Variants in WWOX observed in about 807,000 individuals in gnomAD.
WWOX encodes WW domain-containing oxidoreductase.
WWOX carries 69 observed loss-of-function variants against 46.2 expected under a neutral mutation model. The ratio of observed to expected loss-of-function variants is 1.49; its 90% CI spans 1.23 to 1.82. The LOEUF is 1.82. WWOX is among the 40% of genes most tolerant of loss of function. The pLI, the probability that WWOX is intolerant of heterozygous loss-of-function variation, is 0.00. For synonymous variants in WWOX, 359 were observed against 202.6 expected (o/e 1.77, Z -6.56); for missense variants, 919 against 542.6 (o/e 1.69, Z -6.89).
At chr16:78,527,810 T>C (rs1050965489) in intron 8 of WWOX, among the ~76,000 whole-genome samples, 3 of 150,148 alleles carry the variant, frequency 2.0e-5, no homozygotes, top group Non-Finnish European at 3.0e-5. Flanking sequence ...TTCAGGAGGG[T>C]AGAGGATAGG....
At chr16:78,544,272 G>T (rs1002614672) in intron 8 of WWOX, among the ~76,000 whole-genome samples, 1 of 152,064 alleles carries the variant, frequency 6.6e-6, no homozygotes, top group African/African-American at 2.4e-5. Context: ...TTCACCAAGC[G>T]CTAACATTAT....
At chr16:79,074,089 C>T (rs1161181921) in intron 8 of WWOX, among the ~76,000 whole-genome samples, 1 of 151,924 alleles carries the variant, frequency 6.6e-6, no homozygotes, top group Admixed American at 6.6e-5. Flanking sequence ...AGGATGGGTG[C>T]TTTGTGGCCC....
At chr16:78,542,018 CAAAAAA>C (rs548366256) in intron 8 of WWOX, among the ~76,000 whole-genome samples, 48 of 40,636 alleles carry the variant, frequency 1.2e-3, no homozygotes, top group South Asian at 4.5e-3. Context: ...CAGAGTATAC[CAAAAAA>C]AAAAAAAAAA....
chr16:78,619,796 C>G (rs566325395), intron 8 of WWOX, among the ~76,000 whole-genome samples: 103 of 152,122 alleles, frequency 6.8e-4, no homozygotes, highest in African/African-American at 2.4e-3. Flanking sequence ...GTGGTCCCAG[C>G]TACTCAGGAG....
At chr16:78,902,692 A>G (rs905060649) in intron 8 of WWOX, among the ~76,000 whole-genome samples, 4 of 152,244 alleles carry the variant, frequency 2.6e-5, no homozygotes, top group African/African-American at 7.2e-5. Context: ...ACAGCAGCTC[A>G]GTATTTCCTG....
chr16:79,000,836 C>T (rs899235184), intron 8 of WWOX, among the ~76,000 whole-genome samples: 3 of 152,200 alleles, frequency 2.0e-5, no homozygotes, highest in African/African-American at 4.8e-5. Context: ...CATTGACTCT[C>T]AGAGGACCCT....
chr16:78,439,005 T>C lies in WWOX; in HGVS notation c.1056+6253T>C, dbSNP rs933074449. ...GAAGGAGATAATAGATGTTGATTTG[T>C]TCCTGAAATTAGTATTTTAGAAAAA... On this transcript the variant is annotated intron_variant, in intron 8 of 8. Coordinates refer to ENST00000566780, the MANE Select transcript of WWOX (RefSeq NM_016373.4). 7.2e-5 allele frequency among the ~76,000 whole-genome samples: 11 copies of C among 152,300 alleles called. 1 individual carries two copies. The highest frequency in any genetic ancestry group is 2.4e-4 in the African/African-American group (10 of 41,554).
chr16:79,168,869 A>G (rs1190037704), intron 8 of WWOX, among the ~76,000 whole-genome samples: 1 of 152,162 alleles, frequency 6.6e-6, no homozygotes, highest in Non-Finnish European at 1.5e-5. Flanking sequence ...GTTCCTTAAC[A>G]TTTTTTAAAA....
At position 78,881,464 on chromosome 16, in the gene WWOX, T is replaced by A. The variant is rs767352060; in HGVS notation, c.1057-330144T>A. The stretch of plus-strand genomic sequence containing the variant: ...CAAGGAAAATCAGAGAATAAAAGTT[T>A]CCAATGCATTTAGACTAGAAAATTA... On this transcript the variant is annotated intron_variant, in intron 8 of 8. Transcript: ENST00000566780. Among the ~76,000 whole-genome samples the A allele has an allele frequency of 3.3e-5, 5 of 152,224 alleles. No homozygotes were observed. The East Asian group carries it at 5.8e-4, about 18-fold the overall frequency.
intron 8 of WWOX, among the ~76,000 whole-genome samples, chr16:79,209,630 A>G (rs537779311): frequency 6.6e-6 from 1 of 152,326 alleles, no homozygotes; most frequent in African/African-American, 2.4e-5. Flanking sequence ...ATGAAAATAT[A>G]TGACAGATAT....
intron 8 of WWOX, among the ~76,000 whole-genome samples, chr16:78,779,174 G>T (rs185676147): frequency 1.4e-4 from 22 of 152,206 alleles, no homozygotes; most frequent in African/African-American, 5.3e-4. Flanking sequence ...TTTGAGACAG[G>T]GTCTTTGTTT....
chr16:78,998,166 C>T (rs919785245), intron 8 of WWOX, among the ~76,000 whole-genome samples: 2 of 152,100 alleles, frequency 1.3e-5, no homozygotes, highest in Non-Finnish European at 2.9e-5. Context: ...CATGAGCCAT[C>T]GCGCCCGGCC....
intron 8 of WWOX, among the ~76,000 whole-genome samples, chr16:79,160,165 A>C (rs2050457431): frequency 6.6e-6 from 1 of 152,204 alleles, no homozygotes; most frequent in Non-Finnish European, 1.5e-5. Flanking sequence ...AGAACATCCA[A>C]ATGAACACTG....
chr16:78,808,733 G>T (rs889334699), intron 8 of WWOX, among the ~76,000 whole-genome samples: 1 of 151,988 alleles, frequency 6.6e-6, no homozygotes, highest in Non-Finnish European at 1.5e-5. Flanking sequence ...AATATCCTAC[G>T]TCAAAGATGA....
At chr16:78,584,072 A>T (rs1044510176) in intron 8 of WWOX, among the ~76,000 whole-genome samples, 20 of 152,204 alleles carry the variant, frequency 1.3e-4, no homozygotes, top group Non-Finnish European at 2.9e-4. Context: ...GTGTGTAATT[A>T]TAAAGTTATT....
chr16:79,167,098 G>A (rs866044950), intron 8 of WWOX, among the ~76,000 whole-genome samples: 20 of 152,098 alleles, frequency 1.3e-4, no homozygotes, highest in East Asian at 5.8e-4. Flanking sequence ...GTGCTACCAC[G>A]GCCGGCTAAT....
rs531514806 is a variant in WWOX at position 78,767,783 on chromosome 16, G to A, written c.1056+335031G>A. Among the ~76,000 whole-genome samples, 5 of 152,210 alleles carry A rather than the reference G, an allele frequency of 3.3e-5. No individual in the cohort carries two copies. The South Asian group carries it at 1.0e-3, about 32-fold the overall frequency. On this transcript the variant is annotated intron_variant, in intron 8 of 8. Transcript: ENST00000566780. ...CTGAGTGAAGTGTTACCTCCCTGCA[G>A]TGTTGATTCCCATTTCCCTAATGAT... is the stretch of plus-strand genomic sequence containing the variant.
chr16:78,702,100 T>TTATATA (rs72067397), intron 8 of WWOX, among the ~76,000 whole-genome samples: 1,967 of 81,216 alleles, frequency 0.024, 51 homozygotes, highest in African/African-American at 0.05. Flanking sequence ...ATCTATAAAG[T>TTATATA]TATATATATA....
chr16:78,902,773 A>G (rs889392523), intron 8 of WWOX, among the ~76,000 whole-genome samples: 1 of 152,226 alleles, frequency 6.6e-6, no homozygotes, highest in Non-Finnish European at 1.5e-5. Flanking sequence ...TAAGAATGAA[A>G]GTAAATCTGT....
Sources: allele counts gnomAD v4.1 joint callset (sites outside exome capture counted in the v4.1 genomes callset), GRCh38; gene constraint gnomAD v4.1.1; transcripts MANE v1.5; gene names NCBI Gene and HGNC (gene_info 2026-07-23, HGNC 2026-07-21).